The following ERCC6L2 variants were observed in gnomAD, a reference collection of about 807,000 sequenced individuals.
ERCC6L2 encodes ERCC excision repair 6 like 2, also known as DNA excision repair protein ERCC-6-like 2.
ERCC6L2 carries 77 observed loss-of-function variants against 132.0 expected under a neutral mutation model. That is an observed-to-expected ratio of 0.58 (90% confidence interval 0.49 to 0.71). The LOEUF (loss-of-function observed/expected upper bound fraction) is 0.71, where lower values mean the gene tolerates loss of function less well. Ranked by LOEUF, ERCC6L2 falls within the 30% of genes least tolerant of loss-of-function variation. The pLI is 0.00. For synonymous variants in ERCC6L2, 583 were observed against 632.4 expected, an observed-to-expected ratio of 0.92 and a Z score of 1.17; for missense variants, 1,542 against 1,837.6, an observed-to-expected ratio of 0.84 and a Z score of 2.94.
chr9:95,974,765 A>G (rs1832589852), intron 16 of ERCC6L2, among the ~76,000 whole-genome samples: 1 of 151,930 alleles, frequency 6.6e-6, no homozygotes, highest in Non-Finnish European at 1.5e-5. Flanking sequence ...ATTTATACAC[A>G]TATATGTGTA....
chr9:95,918,093 C>G (rs1044755893), intron 6 of ERCC6L2: 3 of 310,264 alleles, frequency 9.7e-6, no homozygotes, highest in African/African-American at 4.4e-5. Flanking sequence ...GCCATGCATC[C>G]TTCTTCAGTC....
chr9:95,922,511 G>A (rs1829917990), intron 8 of ERCC6L2, 93 bp downstream of exon 8: 1 of 734,030 alleles, frequency 1.4e-6, no homozygotes, highest in Non-Finnish European at 2.2e-6. Context: ...TTTTGTGGAT[G>A]AAATTTAAGA....
intron 18 of ERCC6L2, among the ~76,000 whole-genome samples, chr9:96,011,057 C>T (rs1033934830): frequency 2.0e-5 from 3 of 152,220 alleles, no homozygotes; most frequent in Non-Finnish European, 2.9e-5. Flanking sequence ...GGCCCAAACT[C>T]ATCATCAGCA....
Position 95,989,572 on chromosome 9 carries a change from C to A in ERCC6L2, c.3492+11357C>A, listed in dbSNP as rs371311146. ...TTAGTGCAATAAAAATACATGGTTGCTCTCTGGATTAGAGAAGTGTGATCT... is the reference window on the plus strand; with the variant it reads ...TTAGTGCAATAAAAATACATGGTTGATCTCTGGATTAGAGAAGTGTGATCT... On this transcript the variant is annotated intron_variant, in intron 17 of 18. Transcript: ENST00000653738. Among the ~76,000 whole-genome samples the A allele has an allele frequency of 1.6e-4, 25 of 152,350 alleles. No individual in the cohort carries two copies. In the South Asian group the frequency reaches 5.0e-3, roughly 30 times the overall value.
chr9:95,926,642 G>A (rs1830114433), intron 9 of ERCC6L2, among the ~76,000 whole-genome samples: 1 of 152,078 alleles, frequency 6.6e-6, no homozygotes, highest in Non-Finnish European at 1.5e-5. Flanking sequence ...AGAATGAGTA[G>A]GTGAAGCACA....
At chr9:95,985,836 T>C (rs1182787831) in intron 17 of ERCC6L2, among the ~76,000 whole-genome samples, 1 of 152,224 alleles carries the variant, frequency 6.6e-6, no homozygotes, top group East Asian at 1.9e-4. Context: ...CCACAGAGTA[T>C]GTACCAACAA....
chr9:96,017,457 G>C lies in ERCC6L2; in HGVS notation c.*4254G>C, dbSNP rs1234776609. Among the ~76,000 whole-genome samples the C allele has an allele frequency of 6.6e-6, 1 of 152,178 alleles. No homozygotes were observed. Among genetic ancestry groups the C allele is most frequent in the African/African-American group, 2.4e-5 (1 of 41,468 alleles). ...TGTGTGGTTCCCAGCCCCAAGGGTA[G>C]CAAGTCAGAACCTCCGGAGAGGCTT... is the stretch of plus-strand genomic sequence containing the variant. On this transcript the variant is annotated 3_prime_UTR_variant, in exon 19 of 19. Transcript: ENST00000653738.
chr9:95,955,790 A>T (rs1236320793), intron 12 of ERCC6L2, 124 bp from the exon 13 acceptor site: 2 of 513,572 alleles, frequency 3.9e-6, no homozygotes, highest in Non-Finnish European at 6.7e-6. Context: ...ATATTTAAAC[A>T]TAAAATGTTT....
intron 17 of ERCC6L2, among the ~76,000 whole-genome samples, chr9:95,982,474 C>T (rs1832931226): frequency 1.3e-5 from 2 of 151,966 alleles, no homozygotes; most frequent in South Asian, 4.2e-4. Context: ...ATTCCATTAT[C>T]CTGTTTTTCA....
intron 1 of ERCC6L2, among the ~76,000 whole-genome samples, chr9:95,880,362 A>G (rs1668009128): frequency 6.6e-6 from 1 of 152,228 alleles, no homozygotes. Context: ...TGCTGTCCAG[A>G]GGATTTTAGT....
intron 9 of ERCC6L2, among the ~76,000 whole-genome samples, chr9:95,926,139 G>A (rs1830090361): frequency 6.6e-6 from 1 of 152,150 alleles, no homozygotes; most frequent in African/African-American, 2.4e-5. Flanking sequence ...GCTGCTGGTG[G>A]GAATGCAAAA....
chr9:95,951,878 G>T (rs1251285033), intron 12 of ERCC6L2, among the ~76,000 whole-genome samples: 1 of 151,978 alleles, frequency 6.6e-6, no homozygotes, highest in East Asian at 1.9e-4. Context: ...TAAAGAATTT[G>T]CACCAATCCA....
chr9:96,015,299 C>T lies in ERCC6L2; in HGVS notation c.*2096C>T, dbSNP rs921699391. Among the ~76,000 whole-genome samples the T allele has an allele frequency of 7.3e-5, 11 of 150,606 alleles. No individual in the cohort carries two copies. The highest frequency in any genetic ancestry group is 2.7e-4 in the African/African-American group (11 of 41,346). On this transcript the variant is annotated 3_prime_UTR_variant, in exon 19 of 19. Coordinates refer to ENST00000653738, the MANE Select transcript of ERCC6L2 (RefSeq NM_020207.7). The stretch of plus-strand genomic sequence containing the variant: ...CCCCCCGAGTCAAGCAATTCTCCTG[C>T]CTCAGCCTCCCGAGTAGCTGGGACT...
intron 17 of ERCC6L2, among the ~76,000 whole-genome samples, chr9:95,982,781 C>G (rs771739410): frequency 6.6e-6 from 1 of 152,030 alleles, no homozygotes; most frequent in East Asian, 1.9e-4. Context: ...ACACCTAGAA[C>G]TAGGATTGAT....
In ERCC6L2 at chr9:96,013,195, A is replaced by G. The variant is rs139381027; in HGVS notation, c.4645A>G (p.Thr1549Ala). 7.4e-7 allele frequency: 1 copy of G among 1,358,244 alleles called. No individual in the cohort carries two copies. The highest frequency in any genetic ancestry group is 9.8e-7 in the Non-Finnish European group (1 of 1,018,612). The allele number at this position is 1,358,244 out of a possible 1,614,324, so 84.1% of individuals were successfully genotyped here. ...TGAAAACGCAACCAATACACAGAGT[A>G]CCACATAAGCATATAAATGAATTAC... ...TDENATNTQS[T>A]T The change falls in exon 19 of 19, where the codon ACC (threonine) becomes GCC (alanine). Residue 1549 changes from threonine to alanine, a missense_variant. Transcript: ENST00000653738.
At position 95,972,556 on chromosome 9, in the gene ERCC6L2, C is replaced by CA. The variant is rs1426568684; in HGVS notation, c.2806dup (p.Thr936AsnfsTer7). ...GATCTGAGGATTCTGAAACAGAACACACTGTAAAAACAAGAAATAATGATA... is the reference window on the plus strand; with the variant it reads ...GATCTGAGGATTCTGAAACAGAACACAACTGTAAAAACAAGAAATAATGATA... On this transcript the variant is annotated frameshift_variant, in exon 16 of 19. Transcript: ENST00000653738. LOFTEE classifies it high-confidence loss of function. 1 of 1,289,564 alleles carries CA rather than the reference C, an allele frequency of 7.8e-7. No individual in the cohort carries two copies. Among genetic ancestry groups the CA allele is most frequent in the Admixed American group, 2.3e-5 (1 of 43,458 alleles). 79.9% of individuals were successfully genotyped at this position (1,289,564 alleles called of 1,614,324 possible).
chr9:95,883,743 A>G (rs1827719938), intron 2 of ERCC6L2, among the ~76,000 whole-genome samples: 1 of 152,226 alleles, frequency 6.6e-6, no homozygotes, highest in Non-Finnish European at 1.5e-5. Flanking sequence ...CTGTAGTCCC[A>G]GCTACTTGGG....
At chr9:95,932,830 TTAAG>T (rs1489960046) in intron 11 of ERCC6L2, among the ~76,000 whole-genome samples, 2 of 152,302 alleles carry the variant, frequency 1.3e-5, no homozygotes, top group Non-Finnish European at 2.9e-5. Context: ...TGCATACTCA[TTAAG>T]TGTCTCAAAT....
intron 17 of ERCC6L2, among the ~76,000 whole-genome samples, chr9:96,001,413 T>G (rs1833673495): frequency 6.6e-6 from 1 of 152,134 alleles, no homozygotes. Context: ...GTTCTCCACG[T>G]CCCCATCAGA....
Sources: gnomAD v4.1 joint callset for allele counts (sites outside exome capture counted in the v4.1 genomes callset) on GRCh38, gnomAD v4.1.1 for gene constraint, MANE v1.5 for transcripts, NCBI Gene and HGNC (gene_info 2026-07-23, HGNC 2026-07-21) for gene names.